Variants in CACNA1B observed in about 807,000 individuals in gnomAD.
CACNA1B encodes calcium voltage-gated channel subunit alpha1 B, also known as voltage-dependent N-type calcium channel subunit alpha-1B.
Under a neutral mutation model 247.2 loss-of-function variants are expected in CACNA1B, and 70 were observed. That is an observed-to-expected ratio of 0.28 (90% CI 0.23 to 0.35). The LOEUF is 0.35. Among genes scored for constraint, CACNA1B ranks in the 10% least tolerant of loss-of-function variants. The pLI, the probability that CACNA1B is intolerant of heterozygous loss-of-function variation, is 1.00. For missense variants in CACNA1B, 2,367 were observed against 3,197.4 expected, an observed-to-expected ratio of 0.74 and a Z score of 6.26; for synonymous variants, 1,231 against 1,294.4, an observed-to-expected ratio of 0.95 and a Z score of 1.05.
intron 20 of CACNA1B, among the ~76,000 whole-genome samples, chr9:138,030,032 T>G (rs1331369991): frequency 6.6e-6 from 1 of 152,212 alleles, no homozygotes; most frequent in African/African-American, 2.4e-5. Flanking sequence ...AATGAACAGT[T>G]TTAGTTTTTT....
rs1163363449 is a variant in CACNA1B, at chr9:138,073,851, G to A, written c.4792-150G>A. The A allele has an allele frequency of 4.4e-6, 3 of 676,042 alleles. No individual in the cohort carries two copies. Among genetic ancestry groups the A allele is most frequent in the Non-Finnish European group, 7.8e-6 (3 of 382,380 alleles). 41.9% of individuals were successfully genotyped at this position (676,042 alleles called of 1,614,324 possible). A position where few individuals can be genotyped will look rare whatever the true frequency, so the allele number is the denominator to read the frequency against. On this transcript the variant is annotated intron_variant, in intron 33 of 46. Transcript: ENST00000371372. This position sits in a 1 kb window ranked among gnomAD's most constrained non-coding sequence, Gnocchi z 6.4. ...CCGAGTTAGAGATAAAGAAACTGGGGCATCACTTGGTGGAGGGGCTTGGTG... is the reference window on the plus strand; with the variant it reads ...CCGAGTTAGAGATAAAGAAACTGGGACATCACTTGGTGGAGGGGCTTGGTG...
At chr9:138,061,833 CA>C (rs1356157250) in intron 31 of CACNA1B, among the ~76,000 whole-genome samples, 1 of 152,232 alleles carries the variant, frequency 6.6e-6, no homozygotes, top group Non-Finnish European at 1.5e-5. Context: ...AGCCCCAAGG[CA>C]TGGCACCAGA....
rs113749145 is a variant in CACNA1B at position 138,054,798 on chromosome 9, A to G, written c.3968+792A>G. ...TCTCCAGCGTAGATGAGAGCCCCAC[A>G]TCCTAGCTAAATCTTGGTGTTTTCT... is the stretch of plus-strand genomic sequence containing the variant. On this transcript the variant is annotated intron_variant, in intron 26 of 46. Transcript: ENST00000371372. This position sits in a 1 kb window ranked among gnomAD's most constrained non-coding sequence, Gnocchi z 4.6. 9.9e-4 allele frequency among the ~76,000 whole-genome samples: 150 copies of G among 152,272 alleles called. 2 individuals carry two copies. The highest frequency in any genetic ancestry group is 3.4e-3 in the African/African-American group (140 of 41,546).
At chr9:137,965,830 G>A (rs573106723) in intron 10 of CACNA1B, among the ~76,000 whole-genome samples, 1 of 152,244 alleles carries the variant, frequency 6.6e-6, no homozygotes, top group African/African-American at 2.4e-5. Flanking sequence ...TGATCCGCCC[G>A]CCTTGGCCTC....
intron 39 of CACNA1B, among the ~76,000 whole-genome samples, chr9:138,111,047 A>G (rs1961611834): frequency 6.6e-6 from 1 of 151,934 alleles, no homozygotes; most frequent in African/African-American, 2.4e-5. Flanking sequence ...TTTCAGAATG[A>G]CAATACTTAG....
Position 138,000,101 on chromosome 9 carries a change from CTT to C in CACNA1B, c.1975-6652_1975-6651del, listed in dbSNP as rs11317689. Among the ~76,000 whole-genome samples the C allele has an allele frequency of 4.9e-3, 669 of 137,782 alleles. 1 individual carries two copies. Among genetic ancestry groups the C allele is most frequent in the Middle Eastern group, 0.023 (6 of 266 alleles). The allele number at this position is 137,782 out of a possible 152,430, so 90.4% of individuals were successfully genotyped here. On this transcript the variant is annotated intron_variant, in intron 15 of 46. Coordinates refer to ENST00000371372, the MANE Select transcript of CACNA1B (RefSeq NM_000718.4). ...GATTGGAAAGCGTAGATGAAACATGCTTTTTTTTTTTTTTTGAGATGGAGTCT... is the reference window on the plus strand; with the variant it reads ...GATTGGAAAGCGTAGATGAAACATGCTTTTTTTTTTTTTGAGATGGAGTCT...
rs977123402 is a variant in CACNA1B at position 138,058,431 on chromosome 9, A to C, written c.4309-138A>C. ...ATTTGGCTGGTTGAGGCCTGCTTGGAGAAGGTCTGGGCTGCTTCAATTTGT... is the reference window on the plus strand; with the variant it reads ...ATTTGGCTGGTTGAGGCCTGCTTGGCGAAGGTCTGGGCTGCTTCAATTTGT... On this transcript the variant is annotated intron_variant, in intron 28 of 46. Transcript: ENST00000371372. The surrounding 1 kb of genome is among the most constrained non-coding windows in gnomAD (Gnocchi z 4.7). 1 of 933,724 alleles carries C rather than the reference A, an allele frequency of 1.1e-6. No homozygotes were observed. The highest frequency in any genetic ancestry group is 1.6e-6 in the Non-Finnish European group (1 of 615,218). The allele number at this position is 933,724 out of a possible 1,614,324, so 57.8% of individuals were successfully genotyped here.
chr9:137,924,840 G>A (rs1957531707), intron 6 of CACNA1B, among the ~76,000 whole-genome samples: 1 of 152,208 alleles, frequency 6.6e-6, no homozygotes, highest in Non-Finnish European at 1.5e-5. Flanking sequence ...TCTAGTACTA[G>A]AGTGTCCAGC....
intron 6 of CACNA1B, among the ~76,000 whole-genome samples, chr9:137,929,678 G>A (rs956491775): frequency 6.6e-6 from 1 of 152,074 alleles, no homozygotes; most frequent in Non-Finnish European, 1.5e-5. Context: ...TTTGGGACAG[G>A]GTCTTACTGT....
In CACNA1B at chr9:138,054,695, A is replaced by G. The variant is rs892844106; in HGVS notation, c.3968+689A>G. Among the ~76,000 whole-genome samples the G allele has an allele frequency of 6.6e-6, 1 of 152,178 alleles. No homozygotes were observed. Among genetic ancestry groups the G allele is most frequent in the Admixed American group, 6.5e-5 (1 of 15,286 alleles). On this transcript the variant is annotated intron_variant, in intron 26 of 46. Coordinates refer to ENST00000371372, the MANE Select transcript of CACNA1B (RefSeq NM_000718.4). The surrounding 1 kb of genome is among the most constrained non-coding windows in gnomAD (Gnocchi z 4.6). ...GTTTGGGGAGGTGTATCTGTCTGGT[A>G]GTGGAATTGCCGGGTCCTGGGTGTG...
chr9:138,064,909 A>T (rs576104658), intron 31 of CACNA1B, among the ~76,000 whole-genome samples: 1 of 152,274 alleles, frequency 6.6e-6, no homozygotes, highest in South Asian at 2.1e-4. Flanking sequence ...CTCCTCCCAA[A>T]ACGCTCTGAG....
chr9:137,917,911 C>T lies in CACNA1B; in HGVS notation c.966+480C>T, dbSNP rs1288952017. On this transcript the variant is annotated intron_variant, in intron 6 of 46. Transcript: ENST00000371372. This position sits in a 1 kb window ranked among gnomAD's most constrained non-coding sequence, Gnocchi z 5.5. ...AGGACCATGGGCAGCTGTTGCTGTG[C>T]CACCCCTCTAGGGTCTCTGTTGGAG... is the stretch of plus-strand genomic sequence containing the variant. Among the ~76,000 whole-genome samples, 2 of 152,214 alleles carry T rather than the reference C, an allele frequency of 1.3e-5. No homozygotes were observed. Among genetic ancestry groups the T allele is most frequent in the Admixed American group, 6.5e-5 (1 of 15,284 alleles).
rs79319809 is a variant in CACNA1B at position 138,097,896 on chromosome 9, C to T, written c.5222+1285C>T. 4.9e-3 allele frequency among the ~76,000 whole-genome samples: 752 copies of T among 152,310 alleles called. 1 individual carries two copies. Among genetic ancestry groups the T allele is most frequent in the Admixed American group, 0.011 (164 of 15,304 alleles). ...CTGGGAGCCCGACTAGACTTCCCCACCCTCCTTTCCACTCAGCCTCCCCGG... is the reference window on the plus strand; with the variant it reads ...CTGGGAGCCCGACTAGACTTCCCCATCCTCCTTTCCACTCAGCCTCCCCGG... On this transcript the variant is annotated intron_variant, in intron 37 of 46. Transcript: ENST00000371372.
chr9:137,966,463 G>T (rs578222810), intron 10 of CACNA1B, among the ~76,000 whole-genome samples: 1 of 151,982 alleles, frequency 6.6e-6, no homozygotes, highest in East Asian at 1.9e-4. Flanking sequence ...TCCTGACCTC[G>T]TGATCTGCCT....
In CACNA1B at chr9:138,121,793, G is replaced by A. The variant is rs763026357; in HGVS notation, c.6814G>A (p.Ala2272Thr). 3.7e-6 allele frequency: 6 copies of A among 1,612,958 alleles called. No homozygotes were observed. Among genetic ancestry groups the A allele is most frequent in the East Asian group, 2.2e-5 (1 of 44,872 alleles). ...QRLDSEASVH[A>T]LPEDTLTFEE... ...TCTGGACAGTGAGGCCTCTGTCCAC[G>A]CCCTGCCTGAGGACACTCTCACTTT... is the stretch of plus-strand genomic sequence containing the variant. The change falls in exon 47 of 47, where the codon GCC becomes ACC. Residue 2272 changes from alanine (A) to threonine (T), a missense_variant. By Grantham distance (58) the Ala-to-Thr change is moderately conservative. Coordinates refer to ENST00000371372, the MANE Select transcript of CACNA1B (RefSeq NM_000718.4). The surrounding 1 kb of genome is among the most constrained non-coding windows in gnomAD (Gnocchi z 6.8).
Position 138,058,648 on chromosome 9 carries a change from AGACGTG to A in CACNA1B, c.4392_4397del (p.Trp1465_Thr1466del), listed in dbSNP as rs1564264904. 1 of 1,613,764 alleles carries A rather than the reference AGACGTG, an allele frequency of 6.2e-7. No individual in the cohort carries two copies. The highest frequency in any genetic ancestry group is 8.5e-7 in the Non-Finnish European group (1 of 1,179,760). ...CAAAACCGGCAGTCGTTCCAGTATA[AGACGTG>A]GACATTTGTGGTCTCCCCGCCCTTT... On this transcript the variant is annotated inframe_deletion, in exon 29 of 47. Coordinates refer to ENST00000371372, the MANE Select transcript of CACNA1B (RefSeq NM_000718.4). This position sits in a 1 kb window ranked among gnomAD's most constrained non-coding sequence, Gnocchi z 4.7.
intron 18 of CACNA1B, among the ~76,000 whole-genome samples, chr9:138,021,529 G>A (rs1046859620): frequency 6.6e-6 from 1 of 152,272 alleles, no homozygotes; most frequent in African/African-American, 2.4e-5. Context: ...GGTGCTCAGC[G>A]GCTCAGGGCC....
At chr9:137,953,441 T>G (rs1003118468) in intron 7 of CACNA1B, among the ~76,000 whole-genome samples, 4 of 152,340 alleles carry the variant, frequency 2.6e-5, no homozygotes, top group African/African-American at 9.6e-5. Flanking sequence ...TGGGGATGGC[T>G]GGAGCCGAAG....
intron 23 of CACNA1B, 148 bp downstream of exon 23, chr9:138,047,606 C>T (rs1297049167): frequency 6.3e-6 from 4 of 635,368 alleles, no homozygotes; most frequent in Non-Finnish European, 1.1e-5. Flanking sequence ...GTGCTCAGCA[C>T]ATGAACATGT....
Sources: gnomAD v4.1 joint callset for allele counts (sites outside exome capture counted in the v4.1 genomes callset) on GRCh38, gnomAD v4.1.1 for gene constraint, Gnocchi (gnomAD v3.1) non-coding constraint, MANE v1.5 for transcripts, NCBI Gene and HGNC (gene_info 2026-07-23, HGNC 2026-07-21) for gene names.